Variants in BMP8B observed in about 807,000 individuals in gnomAD.
BMP8B encodes bone morphogenetic protein 8b.
A neutral mutation model predicts 30.3 loss-of-function variants in BMP8B; 17 were observed. The observed-to-expected ratio is 0.56, with a 90% CI of 0.38 to 0.84. The LOEUF is 0.84. Ranked by LOEUF, BMP8B falls within the 40% of genes least tolerant of loss-of-function variation. BMP8B has a pLI of 0.00. For synonymous variants in BMP8B, 131 were observed against 214.7 expected, an observed-to-expected ratio of 0.61 and a Z score of 3.41; for missense variants, 253 against 494.6, an observed-to-expected ratio of 0.51 and a Z score of 4.63.
In BMP8B at chr1:39,788,149, C is replaced by T. The variant is rs761638625; in HGVS notation, c.334+3G>A. On this transcript the variant is annotated splice_donor_region_variant and intron_variant, in intron 1 of 6. Coordinates refer to ENST00000372827, the MANE Select transcript of BMP8B (RefSeq NM_001720.5). This position sits in a 1 kb window ranked among gnomAD's most constrained non-coding sequence, Gnocchi z 5.8. Reference sequence around the variant, plus strand: ...GGGTCCCCGCGCGGGCGGCCGCACTCACCCATGTTAACGAAGCTCATGACC... The same window carrying T: ...GGGTCCCCGCGCGGGCGGCCGCACTTACCCATGTTAACGAAGCTCATGACC... The T allele has an allele frequency of 2.6e-6, 4 of 1,568,066 alleles. No individual in the cohort carries two copies. The highest frequency in any genetic ancestry group is 2.4e-5 in the East Asian group (1 of 41,628).
intron 1 of BMP8B, among the ~76,000 whole-genome samples, chr1:39,786,521 T>C (rs865797572): frequency 1.3e-5 from 2 of 152,204 alleles, no homozygotes; most frequent in African/African-American, 2.4e-5. Flanking sequence ...TTCATAGCAA[T>C]AGCCCCACCA....
chr1:39,772,777 C>T (rs144249221), intron 3 of BMP8B, among the ~76,000 whole-genome samples: 21,373 of 150,732 alleles, frequency 0.14, 1,790 homozygotes, highest in Middle Eastern at 0.27. Flanking sequence ...TCGCTCACAG[C>T]GCCCACCTGG....
intron 4 of BMP8B, among the ~76,000 whole-genome samples, chr1:39,764,285 G>A (rs1222568136): frequency 6.6e-6 from 1 of 151,634 alleles, no homozygotes; most frequent in Non-Finnish European, 1.5e-5. Context: ...AAGCAACCGA[G>A]GATCCCACAG....
rs1369275256 is a variant in BMP8B, at chr1:39,759,635, CA to C, written c.*783del. On this transcript the variant is annotated 3_prime_UTR_variant, in exon 7 of 7. Transcript: ENST00000372827. ...CTTGCTCAGCAAAGGGAAAACTCCA[CA>C]GAGCTGAGCTCCTGGTGGGGCAACA... The C allele has an allele frequency of 6.6e-6, 1 of 152,262 alleles. No homozygotes were observed. The highest frequency in any genetic ancestry group is 6.5e-5 in the Admixed American group (1 of 15,290). The allele number at this position is 152,262 out of a possible 1,614,324, so 9.4% of individuals were successfully genotyped here.
chr1:39,766,209 G>A (rs1300614845), intron 3 of BMP8B, among the ~76,000 whole-genome samples: 1 of 145,996 alleles, frequency 6.8e-6, no homozygotes, highest in Non-Finnish European at 1.5e-5. Context: ...GAGTGCAATG[G>A]AGCCTCTTCA....
At chr1:39,778,329 C>A (rs1650375681) in intron 1 of BMP8B, among the ~76,000 whole-genome samples, 1 of 151,654 alleles carries the variant, frequency 6.6e-6, no homozygotes, top group South Asian at 2.1e-4. Context: ...ACAGCGGCTC[C>A]CCCAGAGCCC....
chr1:39,780,420 A>C lies in BMP8B; in HGVS notation c.335-5382T>G, dbSNP rs1650549375. Among the ~76,000 whole-genome samples the C allele has an allele frequency of 3.3e-5, 5 of 152,084 alleles. No individual in the cohort carries two copies. In the South Asian group the frequency reaches 1.0e-3, roughly 32 times the overall value. On this transcript the variant is annotated intron_variant, in intron 1 of 6. Transcript: ENST00000372827. ...CTACATTCACTTCTCCTAATCCACGACCTCTCCAAGCTGCAGATATGTCAA... is the reference window on the plus strand; with the variant it reads ...CTACATTCACTTCTCCTAATCCACGCCCTCTCCAAGCTGCAGATATGTCAA...
At chr1:39,785,670 CCTG>C (rs139453961) in intron 1 of BMP8B, among the ~76,000 whole-genome samples, 3,657 of 152,282 alleles carry the variant, frequency 0.024, 59 homozygotes, top group Non-Finnish European at 0.036. Context: ...CCACAGTGAC[CCTG>C]CTATTAGATC....
chr1:39,761,526 C>T lies in BMP8B; in HGVS notation c.1060-958G>A, dbSNP rs180936944. Among the ~76,000 whole-genome samples the T allele has an allele frequency of 2.1e-3, 314 of 152,116 alleles. 1 individual carries two copies. The highest frequency in any genetic ancestry group is 4.8e-3 in the Admixed American group (73 of 15,300). ...CTTTGCTAAAGAGCTCCGACAGCCT[C>T]TTGGGTTACTTGGAATAAAACACCT... On this transcript the variant is annotated intron_variant, in intron 6 of 6. Coordinates refer to ENST00000372827, the MANE Select transcript of BMP8B (RefSeq NM_001720.5).
At chr1:39,766,058 A>C (rs1386342391) in intron 3 of BMP8B, among the ~76,000 whole-genome samples, 1 of 151,828 alleles carries the variant, frequency 6.6e-6, no homozygotes, top group African/African-American at 2.4e-5. Flanking sequence ...AAAACACAAA[A>C]CTTTTTCTGG....
intron 1 of BMP8B, among the ~76,000 whole-genome samples, chr1:39,783,593 C>T (rs760321191): frequency 2.0e-5 from 3 of 152,114 alleles, no homozygotes; most frequent in Non-Finnish European, 2.9e-5. Flanking sequence ...TGAGCATTAA[C>T]GTATGCAGTT....
Position 39,771,109 on chromosome 1 carries a change from C to T in BMP8B, c.673+3199G>A, listed in dbSNP as rs1361539283. 26 of 1,560,042 alleles carry T rather than the reference C, an allele frequency of 1.7e-5. 3 individuals are homozygous for T. The highest frequency in any genetic ancestry group is 2.3e-5 in the Non-Finnish European group (26 of 1,145,062). On this transcript the variant is annotated intron_variant, in intron 3 of 6. Coordinates refer to ENST00000372827, the MANE Select transcript of BMP8B (RefSeq NM_001720.5). ...TCGCCCCGTCAGAGATGTCCTTCACCATCTCCACCGGGTCCGCGTAGAACT... is the reference window on the plus strand; with the variant it reads ...TCGCCCCGTCAGAGATGTCCTTCACTATCTCCACCGGGTCCGCGTAGAACT...
At chr1:39,771,470 T>A in intron 3 of BMP8B, 1 of 544,212 alleles carries the variant, frequency 1.8e-6, no homozygotes, top group South Asian at 3.5e-5. Flanking sequence ...GTCCTCCGTG[T>A]CCAGCGCACA....
chr1:39,762,873 C>G (rs76547857), intron 6 of BMP8B, among the ~76,000 whole-genome samples: 2 of 152,256 alleles, frequency 1.3e-5, no homozygotes, highest in Non-Finnish European at 2.9e-5. Flanking sequence ...CGACTGTTCA[C>G]GTATGTCCGT....
At chr1:39,782,421 C>T (rs890956638) in intron 1 of BMP8B, among the ~76,000 whole-genome samples, 4 of 152,046 alleles carry the variant, frequency 2.6e-5, no homozygotes, top group Non-Finnish European at 5.9e-5. Flanking sequence ...GCCCTTCCCT[C>T]ATAATACAGC....
rs1053846 is a variant in BMP8B at position 39,757,468 on chromosome 1, T to G, written c.*2951A>C. The G allele has an allele frequency of 0.18, 26,940 of 152,310 alleles. 3,072 individuals are homozygous for G. The highest frequency in any genetic ancestry group is 0.33 in the South Asian group (1,596 of 4,826). 9.4% of individuals were successfully genotyped at this position (152,310 alleles called of 1,614,324 possible). A position where few individuals can be genotyped will look rare whatever the true frequency, so the allele number is the denominator to read the frequency against. On this transcript the variant is annotated 3_prime_UTR_variant, in exon 7 of 7. Transcript: ENST00000372827. ...TTCTTTGGACCTTTTCCAGAACATGTTACTTCCCTGCCTCAGTTAGAAGTT... is the reference window on the plus strand; with the variant it reads ...TTCTTTGGACCTTTTCCAGAACATGGTACTTCCCTGCCTCAGTTAGAAGTT...
chr1:39,775,944 T>G (rs1650195657), intron 1 of BMP8B, among the ~76,000 whole-genome samples: 1 of 152,284 alleles, frequency 6.6e-6, no homozygotes, highest in Non-Finnish European at 1.5e-5. Flanking sequence ...GAGGGTGCTC[T>G]AGGGAGAGGG....
intron 3 of BMP8B, among the ~76,000 whole-genome samples, chr1:39,766,262 C>T (rs1301217008): frequency 6.8e-5 from 10 of 146,396 alleles, no homozygotes; most frequent in Non-Finnish European, 1.5e-4. Context: ...ATGGCAGAAG[C>T]ATGATTACCA....
At position 39,788,766 on chromosome 1, in the gene BMP8B, G is replaced by C. The variant is rs909701320; in HGVS notation, c.-281C>G. The C allele has an allele frequency of 6.3e-6, 1 of 159,796 alleles. No homozygotes were observed. The highest frequency in any genetic ancestry group is 2.4e-5 in the African/African-American group (1 of 41,526). 9.9% of individuals were successfully genotyped at this position (159,796 alleles called of 1,614,324 possible). On this transcript the variant is annotated 5_prime_UTR_variant, in exon 1 of 7. Transcript: ENST00000372827. The surrounding 1 kb of genome is among the most constrained non-coding windows in gnomAD (Gnocchi z 5.8). ...ACTCTCGGCCAATCCGTCTGTCGCC[G>C]CCGTACCCGCCAGTCCGGCTGTGGC...
Sources: gnomAD v4.1 joint callset for allele counts (sites outside exome capture counted in the v4.1 genomes callset) on GRCh38, gnomAD v4.1.1 for gene constraint, Gnocchi (gnomAD v3.1) non-coding constraint, MANE v1.5 for transcripts, NCBI Gene and HGNC (gene_info 2026-07-23, HGNC 2026-07-21) for gene names.